Variants in MPDZ observed in about 807,000 individuals in gnomAD.
MPDZ encodes multiple PDZ domain protein.
MPDZ carries 234 observed loss-of-function variants against 239.1 expected under a neutral mutation model. The ratio of observed to expected loss-of-function variants is 0.98; its 90% CI spans 0.88 to 1.09. The LOEUF (loss-of-function observed/expected upper bound fraction) is 1.09, where lower values mean the gene tolerates loss of function less well. Among genes scored for constraint, MPDZ ranks in the 50% least tolerant of loss-of-function variants. MPDZ has a pLI of 0.00. For missense variants in MPDZ, 3,175 were observed against 2,510.0 expected (o/e 1.26, Z -5.66); for synonymous variants, 1,048 against 881.3 (o/e 1.19, Z -3.35).
rs1336834529 is a variant in MPDZ, at chr9:13,204,953, T to C, written c.1546+83A>G. The C allele has an allele frequency of 8.8e-6, 8 of 908,564 alleles. No individual in the cohort carries two copies. In the Admixed American group the frequency reaches 1.2e-4, roughly 13 times the overall value. The allele number at this position is 908,564 out of a possible 1,614,324, so 56.3% of individuals were successfully genotyped here. A position where few individuals can be genotyped will look rare whatever the true frequency, so the allele number is the denominator to read the frequency against. The stretch of plus-strand genomic sequence containing the variant: ...TTTTTAGTAACTTACAATATATCCA[T>C]AGAGGCTTAATCACATTTGTAAAAA... On this transcript the variant is annotated intron_variant, in intron 12 of 46. Transcript: ENST00000319217.
At chr9:13,124,425 T>C (rs1944819779) in intron 35 of MPDZ, among the ~76,000 whole-genome samples, 1 of 152,236 alleles carries the variant, frequency 6.6e-6, no homozygotes. Context: ...AAGAACAGTT[T>C]GGAGGCCAAA....
At chr9:13,170,612 T>C (rs1402657943) in intron 21 of MPDZ, among the ~76,000 whole-genome samples, 3 of 152,292 alleles carry the variant, frequency 2.0e-5, no homozygotes, top group Non-Finnish European at 2.9e-5. Flanking sequence ...CAAAGTAAAA[T>C]TTAACTCAGT....
chr9:13,279,224 ACCGCCCCACGGCCCG>A (rs1975009236), intron 1 of MPDZ, 161 bp downstream of exon 1: 1 of 121,472 alleles, frequency 8.2e-6, no homozygotes, highest in Non-Finnish European at 1.8e-5. Context: ...GCACCGCCCC[ACCGCCCCACGGCCCG>A]CCGCCACCCC....
In MPDZ at chr9:13,210,424, T is replaced by C. The variant is rs572132491; in HGVS notation, c.1291-4325A>G. The stretch of plus-strand genomic sequence containing the variant: ...TGTTAAGAAAAACTTAAGAGGAAGT[T>C]TTTTTTTTTTTTTAAGAGGAAAGAA... On this transcript the variant is annotated intron_variant, in intron 10 of 46. Coordinates refer to ENST00000319217, the MANE Select transcript of MPDZ (RefSeq NM_001378778.1). Among the ~76,000 whole-genome samples the C allele has an allele frequency of 7.2e-3, 286 of 39,990 alleles. 3 individuals are homozygous for C. Among genetic ancestry groups the C allele is most frequent in the African/African-American group, 0.01 (271 of 26,212 alleles). 26.2% of individuals were successfully genotyped at this position (39,990 alleles called of 152,430 possible). A position where few individuals can be genotyped will look rare whatever the true frequency, so the allele number is the denominator to read the frequency against.
intron 18 of MPDZ, 67 bp from the exon 19 acceptor site, chr9:13,183,652 C>T: frequency 6.6e-7 from 1 of 1,519,882 alleles, no homozygotes; most frequent in Non-Finnish European, 9.0e-7. Context: ...ACAATCTCCA[C>T]TTGAGACTAA....
Position 13,190,124 on chromosome 9 carries a change from A to G in MPDZ, c.2144T>C (p.Leu715Ser), listed in dbSNP as rs1405969003. ...KGSKGLGFSILDYQDPIDPAS... is the reference protein window; with the variant it reads ...KGSKGLGFSISDYQDPIDPAS... ...GTAGTATATACTTACCTGATAATCT[A>G]AAATGCTAAAACCAAGTCCTTTGCT... Residue 715 changes from leucine (L) to serine (S), a missense_variant, in exon 16 of 47, where the codon TTA (leucine) becomes TCA (serine). Leu to Ser is a moderately radical substitution (Grantham distance 145). Transcript: ENST00000319217. The G allele has an allele frequency of 1.2e-6, 2 of 1,611,996 alleles. No homozygotes were observed. The highest frequency in any genetic ancestry group is 4.5e-5 in the East Asian group (2 of 44,714).
chr9:13,255,489 A>G (rs545976807), intron 1 of MPDZ, among the ~76,000 whole-genome samples: 1 of 152,330 alleles, frequency 6.6e-6, no homozygotes, highest in South Asian at 2.1e-4. Context: ...TACAGAAGCT[A>G]TAACTTTACA....
intron 3 of MPDZ, among the ~76,000 whole-genome samples, chr9:13,237,578 T>C (rs1319402836): frequency 6.6e-6 from 1 of 151,694 alleles, no homozygotes; most frequent in East Asian, 1.9e-4. Context: ...TTTTGTATCG[T>C]ATTTGAAAAA....
chr9:13,154,155 G>C (rs1001215274), intron 24 of MPDZ, among the ~76,000 whole-genome samples: 1 of 152,060 alleles, frequency 6.6e-6, no homozygotes, highest in Non-Finnish European at 1.5e-5. Flanking sequence ...TGGAAGTAAA[G>C]GTTGTAAATC....
At chr9:13,236,195 A>ACATGTGTG (rs1564098993) in intron 3 of MPDZ, among the ~76,000 whole-genome samples, 1 of 47,196 alleles carries the variant, frequency 2.1e-5, no homozygotes, top group African/African-American at 6.4e-5. Context: ...GTTTCTGTAT[A>ACATGTGTG]TATGTGTGTG....
chr9:13,254,052 C>T (rs1044181270), intron 1 of MPDZ, among the ~76,000 whole-genome samples: 12 of 152,310 alleles, frequency 7.9e-5, no homozygotes, highest in African/African-American at 1.7e-4. Flanking sequence ...CTACAATATG[C>T]TGCCTCTAGA....
intron 1 of MPDZ, chr9:13,274,567 T>C (rs947616490): frequency 2.0e-5 from 3 of 151,478 alleles, no homozygotes; most frequent in African/African-American, 4.9e-5. Context: ...TTGGGAAGAA[T>C]GGCTCTAATG....
intron 15 of MPDZ, 125 bp downstream of exon 15, chr9:13,192,006 T>C (rs1954993678): frequency 3.6e-6 from 3 of 832,278 alleles, no homozygotes; most frequent in South Asian, 9.4e-5. Flanking sequence ...CTTTAAATTC[T>C]ATCCTCCAAG....
chr9:13,219,508 A>G (rs1958796517), intron 8 of MPDZ, 51 bp downstream of exon 8: 5 of 1,510,472 alleles, frequency 3.3e-6, no homozygotes, highest in South Asian at 1.2e-5. Flanking sequence ...CACTGTCGTC[A>G]TCTAAGTGTT....
chr9:13,144,979 G>A (rs1479348857), intron 26 of MPDZ, among the ~76,000 whole-genome samples: 1 of 152,016 alleles, frequency 6.6e-6, no homozygotes, highest in East Asian at 1.9e-4. Flanking sequence ...GACTTTCAGT[G>A]TCCTGTATAA....
chr9:13,152,140 C>T (rs1949256137), intron 24 of MPDZ, among the ~76,000 whole-genome samples: 1 of 152,094 alleles, frequency 6.6e-6, no homozygotes, highest in Admixed American at 6.6e-5. Flanking sequence ...AAGAACACTC[C>T]TGCACACACT....
intron 1 of MPDZ, among the ~76,000 whole-genome samples, chr9:13,255,282 A>C (rs554240898): frequency 6.6e-6 from 1 of 152,296 alleles, no homozygotes; most frequent in South Asian, 2.1e-4. Context: ...ATCTTCAGTG[A>C]CTTCTTCCAC....
At chr9:13,216,627 A>G in intron 10 of MPDZ, 147 bp downstream of exon 10, 1 of 533,440 alleles carries the variant, frequency 1.9e-6, no homozygotes, top group Middle Eastern at 4.4e-4. Flanking sequence ...AAAATAATAG[A>G]AAGGGTAATT....
intron 32 of MPDZ, among the ~76,000 whole-genome samples, chr9:13,131,633 T>C (rs1489854246): frequency 6.6e-6 from 1 of 152,300 alleles, no homozygotes; most frequent in Middle Eastern, 3.4e-3. Context: ...TGATAACAAG[T>C]TTCAGCAAGA....
Sources: allele counts gnomAD v4.1 joint callset (sites outside exome capture counted in the v4.1 genomes callset), GRCh38; gene constraint gnomAD v4.1.1; transcripts MANE v1.5; gene names NCBI Gene and HGNC (gene_info 2026-07-23, HGNC 2026-07-21).